Variants in CAST observed in about 807,000 individuals in gnomAD.
CAST encodes calpastatin, also known as MIR583 host.
A neutral mutation model predicts 119.6 loss-of-function variants in CAST; 76 were observed. The ratio of observed to expected loss-of-function variants is 0.64; its 90% CI spans 0.53 to 0.77. The LOEUF (loss-of-function observed/expected upper bound fraction) is 0.77. CAST is among the 30% of genes least tolerant of loss of function. The probability of loss-of-function intolerance (pLI) is 0.00; values close to 1 mark genes in which losing one functional copy is unlikely to be tolerated. For synonymous variants in CAST, 319 were observed against 331.6 expected (o/e 0.96, Z 0.41); for missense variants, 953 against 946.5 (o/e 1.01, Z -0.09).
At chr5:96,667,601 A>G (rs1275833222) in intron 1 of CAST, among the ~76,000 whole-genome samples, 1 of 152,230 alleles carries the variant, frequency 6.6e-6, no homozygotes, top group Non-Finnish European at 1.5e-5. Flanking sequence ...GTCCACTGAA[A>G]TCTTAAAATG....
chr5:96,354,453 T>A, the CAST span, among the ~76,000 whole-genome samples: 1 of 152,040 alleles, frequency 6.6e-6, no homozygotes, highest in African/African-American at 2.4e-5. Flanking sequence ...TTTCATTAAA[T>A]CAATAATGCC....
the CAST span, among the ~76,000 whole-genome samples, chr5:96,518,155 G>GA: frequency 6.8e-3 from 1,040 of 152,232 alleles, 12 homozygotes; most frequent in African/African-American, 0.024. Flanking sequence ...AAATTTGGGA[G>GA]AAAAAAACAT....
chr5:96,622,092 C>T (rs1169540646), intron 1 of CAST, among the ~76,000 whole-genome samples: 1 of 150,616 alleles, frequency 6.6e-6, no homozygotes, highest in Non-Finnish European at 1.5e-5. Context: ...GCCTCAGCCT[C>T]CTGAGTAGCT....
chr5:96,746,492 AC>A (rs1763794359), intron 17 of CAST, 67 bp downstream of exon 17: 1 of 910,580 alleles, frequency 1.1e-6, no homozygotes, highest in South Asian at 1.3e-5. Flanking sequence ...TTGTATCTGT[AC>A]CCTTGACATT....
intron 3 of CAST, among the ~76,000 whole-genome samples, chr5:96,707,455 C>T (rs765795403): frequency 1.6e-4 from 25 of 151,788 alleles, no homozygotes; most frequent in Non-Finnish European, 2.4e-4. Context: ...GGCACAATCT[C>T]GGCTCACTGC....
At chr5:96,304,355 T>C in the CAST span, among the ~76,000 whole-genome samples, 1 of 152,242 alleles carries the variant, frequency 6.6e-6, no homozygotes, top group Admixed American at 6.5e-5. Context: ...ATTAGCCCTT[T>C]GTCAGATGGA....
the CAST span, among the ~76,000 whole-genome samples, chr5:96,018,769 C>T: frequency 1.3e-5 from 2 of 152,262 alleles, no homozygotes; most frequent in East Asian, 3.9e-4. Context: ...TAGTAAAGTA[C>T]TGATGTTTTT....
chr5:96,704,073 C>T (rs1490984195), intron 3 of CAST, among the ~76,000 whole-genome samples: 2 of 152,130 alleles, frequency 1.3e-5, no homozygotes, highest in Non-Finnish European at 2.9e-5. Flanking sequence ...AAGGCCACAC[C>T]TGTAGACTGA....
chr5:96,338,479 G>A, the CAST span, among the ~76,000 whole-genome samples: 3 of 152,066 alleles, frequency 2.0e-5, no homozygotes, highest in Non-Finnish European at 4.4e-5. Flanking sequence ...AACTCACAAG[G>A]CCTAAACAGG....
the CAST span, among the ~76,000 whole-genome samples, chr5:96,298,050 G>A: frequency 2.0e-5 from 3 of 152,144 alleles, no homozygotes; most frequent in Non-Finnish European, 4.4e-5. Context: ...GTTGCCACAT[G>A]GTATTTGCTT....
chr5:96,483,691 G>C, the CAST span, among the ~76,000 whole-genome samples: 4 of 151,898 alleles, frequency 2.6e-5, no homozygotes, highest in African/African-American at 9.7e-5. Flanking sequence ...TACATGATAG[G>C]CTTTTTGTTG....
intron 24 of CAST, chr5:96,761,928 A>C (rs1768104235): frequency 6.0e-6 from 1 of 167,552 alleles, no homozygotes. Flanking sequence ...ACCATAACTC[A>C]CTCACTAGAA....
the CAST span, among the ~76,000 whole-genome samples, chr5:96,444,626 A>G: frequency 6.6e-6 from 1 of 152,164 alleles, no homozygotes. Context: ...TTTCTAAAAT[A>G]TCAGTTTTAT....
At chr5:96,270,654 G>T in the CAST span, among the ~76,000 whole-genome samples, 1 of 152,052 alleles carries the variant, frequency 6.6e-6, no homozygotes, top group East Asian at 1.9e-4. Context: ...GGCACTGAAT[G>T]ATGAGAACAC....
At chr5:96,480,082 A>G in the CAST span, among the ~76,000 whole-genome samples, 1 of 152,162 alleles carries the variant, frequency 6.6e-6, no homozygotes, top group South Asian at 2.1e-4. Flanking sequence ...TAATCCTAAG[A>G]GCTTTGGAAA....
At position 96,716,770 on chromosome 5, in the gene CAST, A is replaced by AT. The variant is rs1297690438; in HGVS notation, c.211-5863dup. ...TAAAAATTAGTTATTGATTTGTCAG[A>AT]TTTTTTAATTTAGAAAATGTTTTGT... On this transcript the variant is annotated intron_variant, in intron 3 of 31. Transcript: ENST00000675179. Among the ~76,000 whole-genome samples, 4 of 152,296 alleles carry AT rather than the reference A, an allele frequency of 2.6e-5. No individual in the cohort carries two copies. In the East Asian group the frequency reaches 5.8e-4, roughly 22 times the overall value.
chr5:96,561,563 G>A (rs866083534), intron 1 of CAST, among the ~76,000 whole-genome samples: 7 of 151,004 alleles, frequency 4.6e-5, no homozygotes, highest in Non-Finnish European at 8.9e-5. Flanking sequence ...GGGCCTGTTG[G>A]GGGTGGGGAG....
chr5:96,226,578 G>C, the CAST span, among the ~76,000 whole-genome samples: 3 of 152,072 alleles, frequency 2.0e-5, no homozygotes, highest in Non-Finnish European at 4.4e-5. Context: ...GATCGGTCAA[G>C]CCTGGGAGGC....
At chr5:96,322,098 A>C in the CAST span, among the ~76,000 whole-genome samples, 3 of 152,126 alleles carry the variant, frequency 2.0e-5, no homozygotes, top group African/African-American at 7.2e-5. Flanking sequence ...GTTCCCTTTG[A>C]TGTGCAGTAT....
Sources: gnomAD v4.1 joint callset for allele counts (sites outside exome capture counted in the v4.1 genomes callset) on GRCh38, gnomAD v4.1.1 for gene constraint, MANE v1.5 for transcripts, NCBI Gene and HGNC (gene_info 2026-07-23, HGNC 2026-07-21) for gene names.